Variants in DACH2 observed in about 807,000 individuals in gnomAD.
DACH2 encodes the protein dachshund homolog 2.
Under a neutral mutation model 35.8 loss-of-function variants are expected in DACH2, and 17 were observed. The observed-to-expected ratio is 0.48, with a 90% CI of 0.33 to 0.71. DACH2 has a LOEUF of 0.71. DACH2 is among the 30% of genes least tolerant of loss of function. The probability of loss-of-function intolerance (pLI) is 0.02; values close to 1 mark genes in which losing one functional copy is unlikely to be tolerated. For synonymous variants in DACH2, 195 were observed against 177.3 expected, an observed-to-expected ratio of 1.10 and a Z score of -0.79; for missense variants, 469 against 472.7, an observed-to-expected ratio of 0.99 and a Z score of 0.07.
rs961062965 is a variant in DACH2 at position 86,204,365 on chromosome X, C to T, written c.488+55257C>T. ...ATGATACTGTTTCTGTAATTGAAGT[C>T]TCAAAAGGCTAAGATATCAGAACAT... On this transcript the variant is annotated intron_variant, in intron 1 of 11. Transcript: ENST00000373125. Among the ~76,000 whole-genome samples the T allele has an allele frequency of 2.3e-4, 26 of 112,081 alleles. No homozygotes were observed. In the Admixed American group the frequency reaches 2.4e-3, roughly 10 times the overall value.
intron 4 of DACH2, among the ~76,000 whole-genome samples, chrX:86,666,293 ATGTG>A (rs143997734): frequency 2.2e-5 from 2 of 89,523 alleles, no homozygotes; most frequent in African/African-American, 3.9e-5. Context: ...TTGGAGTGGG[ATGTG>A]TGTGTGTGTG....
At chrX:86,517,384 T>G (rs144934646) in intron 3 of DACH2, among the ~76,000 whole-genome samples, 19 of 110,795 alleles carry the variant, frequency 1.7e-4, no homozygotes, top group African/African-American at 5.9e-4. Flanking sequence ...GTATGTCTCC[T>G]TTTGGAAAGT....
chrX:86,424,707 C>T lies in DACH2; in HGVS notation c.527+47845C>T, dbSNP rs371844902. On this transcript the variant is annotated intron_variant, in intron 2 of 11. Coordinates refer to ENST00000373125, the MANE Select transcript of DACH2 (RefSeq NM_053281.3). The stretch of plus-strand genomic sequence containing the variant: ...GTATGATTGCTCTAGCCAGGACTTC[C>T]AGTACTATGTTGAATAACAGTGATG... Among the ~76,000 whole-genome samples the T allele has an allele frequency of 2.7e-4, 30 of 111,492 alleles. No homozygotes were observed. The East Asian group carries it at 3.6e-3, about 14-fold the overall frequency.
At chrX:86,697,899 G>A (rs1475921557) in intron 5 of DACH2, among the ~76,000 whole-genome samples, 2 of 111,114 alleles carry the variant, frequency 1.8e-5, no homozygotes, top group African/African-American at 6.5e-5. Flanking sequence ...AAAGATGAAA[G>A]AACAGAAGAC....
chrX:86,308,595 G>C (rs1416457311), intron 1 of DACH2, among the ~76,000 whole-genome samples: 1 of 112,030 alleles, frequency 8.9e-6, no homozygotes, highest in Admixed American at 9.5e-5. Context: ...CCAGTTTACA[G>C]AACCAGAAGC....
In DACH2 at chrX:86,405,156, G is replaced by T. The variant is rs1034596917; in HGVS notation, c.527+28294G>T. Among the ~76,000 whole-genome samples the T allele has an allele frequency of 1.1e-4, 12 of 111,525 alleles. No homozygotes were observed. In the Admixed American group the frequency reaches 1.1e-3, roughly 11 times the overall value. On this transcript the variant is annotated intron_variant, in intron 2 of 11. Transcript: ENST00000373125. ...GAGCTGCTATGAATGTCTCTGACAT[G>T]CCCTGGAGATATTTTCCCCATTGTC...
At chrX:86,507,280 G>A (rs777019025) in intron 2 of DACH2, among the ~76,000 whole-genome samples, 2 of 111,055 alleles carry the variant, frequency 1.8e-5, no homozygotes, top group Non-Finnish European at 3.8e-5. Flanking sequence ...TGAGGTTATC[G>A]TGAGATTATA....
chrX:86,185,021 G>T (rs773697073), intron 1 of DACH2, among the ~76,000 whole-genome samples: 2 of 111,718 alleles, frequency 1.8e-5, no homozygotes, highest in Non-Finnish European at 3.8e-5. Context: ...CAAACTCAGA[G>T]AAATATATCA....
chrX:86,393,048 C>G (rs1213380828), intron 2 of DACH2, among the ~76,000 whole-genome samples: 2 of 110,606 alleles, frequency 1.8e-5, no homozygotes, highest in Non-Finnish European at 3.8e-5. Flanking sequence ...ATTATCCAGC[C>G]TAAGATGTCA....
intron 1 of DACH2, among the ~76,000 whole-genome samples, chrX:86,337,245 C>T (rs2035328784): frequency 9.0e-6 from 1 of 110,813 alleles, no homozygotes; most frequent in African/African-American, 3.3e-5. Context: ...AGATACTCCT[C>T]GAGAAGAGCA....
At chrX:86,474,884 C>T (rs12557848) in intron 2 of DACH2, among the ~76,000 whole-genome samples, 13,098 of 111,105 alleles carry the variant, frequency 0.12, 728 homozygotes, top group Non-Finnish European at 0.17. Flanking sequence ...CAGGTGCCCA[C>T]CACCATGCCC....
chrX:86,563,752 T>C (rs1331083263), intron 3 of DACH2, among the ~76,000 whole-genome samples: 3 of 110,764 alleles, frequency 2.7e-5, no homozygotes, highest in African/African-American at 9.8e-5. Context: ...GTTTTTAGTA[T>C]GCACTGCTAT....
intron 6 of DACH2, among the ~76,000 whole-genome samples, chrX:86,733,914 A>G (rs2041563721): frequency 9.4e-6 from 1 of 106,910 alleles, no homozygotes. Context: ...TCTCATTCTA[A>G]GTGCTCTATG....
chrX:86,461,747 G>A (rs974449740), intron 2 of DACH2, among the ~76,000 whole-genome samples: 3 of 111,189 alleles, frequency 2.7e-5, no homozygotes, highest in Non-Finnish European at 3.8e-5. Context: ...TAAAAATGGA[G>A]GTTCTGTGAA....
At chrX:86,556,110 G>A in intron 3 of DACH2, among the ~76,000 whole-genome samples, 1 of 111,454 alleles carries the variant, frequency 9.0e-6, no homozygotes, top group Middle Eastern at 4.7e-3. Flanking sequence ...GTATGCTTCA[G>A]ATGCCTTTAT....
chrX:86,251,365 T>TG (rs1273709341), intron 1 of DACH2, among the ~76,000 whole-genome samples: 2 of 111,145 alleles, frequency 1.8e-5, no homozygotes, highest in Non-Finnish European at 3.8e-5. Context: ...CATAGGTTTT[T>TG]GGGGAACAGG....
intron 2 of DACH2, among the ~76,000 whole-genome samples, chrX:86,409,381 G>T (rs2036575047): frequency 9.0e-6 from 1 of 111,379 alleles, no homozygotes; most frequent in Admixed American, 9.6e-5. Flanking sequence ...ATTTCATGTT[G>T]AAATGTAATC....
intron 1 of DACH2, among the ~76,000 whole-genome samples, chrX:86,293,855 C>T (rs190198232): frequency 0.023 from 2,554 of 111,000 alleles, 75 homozygotes; most frequent in African/African-American, 0.08. Context: ...CTGCCCTTAA[C>T]ATTTTTTCCT....
chrX:86,491,106 T>C (rs989344911), intron 2 of DACH2, among the ~76,000 whole-genome samples: 1 of 111,768 alleles, frequency 8.9e-6, no homozygotes, highest in African/African-American at 3.2e-5. Flanking sequence ...TCCTAACATA[T>C]GTTATGCACT....
Sources: gnomAD v4.1 joint callset for allele counts (sites outside exome capture counted in the v4.1 genomes callset) on GRCh38, gnomAD v4.1.1 for gene constraint, MANE v1.5 for transcripts, NCBI Gene and HGNC (gene_info 2026-07-23, HGNC 2026-07-21) for gene names.